The following PSMB7 variants were observed in gnomAD, a reference collection of about 807,000 sequenced individuals.
PSMB7 encodes proteasome 20S subunit beta 7.
A neutral mutation model predicts 28.1 loss-of-function variants in PSMB7; 5 were observed. The ratio of observed to expected loss-of-function variants is 0.18; its 90% CI spans 0.09 to 0.37. The LOEUF (loss-of-function observed/expected upper bound fraction) is 0.37, where lower values mean the gene tolerates loss of function less well. PSMB7 is among the 10% of genes least tolerant of loss of function. The pLI is 1.00. For synonymous variants in PSMB7, 122 were observed against 123.7 expected (o/e 0.99, Z 0.09); for missense variants, 275 against 346.2 (o/e 0.79, Z 1.63).
At chr9:124,374,393 A>T (rs892604764) in intron 6 of PSMB7, among the ~76,000 whole-genome samples, 1 of 152,266 alleles carries the variant, frequency 6.6e-6, no homozygotes, top group African/African-American at 2.4e-5. Context: ...CATAGGTGTG[A>T]ATTATCAATG....
At chr9:124,392,023 C>A (rs1830793017) in intron 5 of PSMB7, among the ~76,000 whole-genome samples, 1 of 152,352 alleles carries the variant, frequency 6.6e-6, no homozygotes, top group African/African-American at 2.4e-5. Context: ...TGCTCACTAA[C>A]TCTCAAACTG....
At chr9:124,413,517 A>G (rs1008885055) in intron 3 of PSMB7, among the ~76,000 whole-genome samples, 2 of 152,246 alleles carry the variant, frequency 1.3e-5, no homozygotes, top group African/African-American at 4.8e-5. Flanking sequence ...GTATGGCAGA[A>G]GAGTGAACAA....
chr9:124,385,746 G>C (rs746062742), intron 5 of PSMB7, among the ~76,000 whole-genome samples: 1 of 152,206 alleles, frequency 6.6e-6, no homozygotes, highest in Non-Finnish European at 1.5e-5. Flanking sequence ...AAAAGGCAGC[G>C]ATTAAACAGT....
rs746498305 is a variant in PSMB7 at position 124,413,965 on chromosome 9, C to A, written c.197G>T (p.Gly66Val). 2.5e-6 allele frequency: 4 copies of A among 1,613,264 alleles called. No individual in the cohort carries two copies. The South Asian group carries it at 4.4e-5, about 18-fold the overall frequency. ...VLGADTRATE[G>V]MVVADKNCSK... ...ACAGTTCTTGTCAGCAACAACCATC[C>A]CTTCAGTTGCTCTTGTATCTGCTCC... is the stretch of plus-strand genomic sequence containing the variant. The change falls in exon 3 of 8, where the codon GGG becomes GTG. Residue 66 changes from glycine (G) to valine (V), a missense_variant. By Grantham distance (109) the Gly-to-Val change is moderately radical. Around this residue, in one of 2 missense-constraint regions of PSMB7, gnomAD observed 213 missense variants for 302.4 expected, o/e 0.70. Transcript: ENST00000259457.
intron 6 of PSMB7, among the ~76,000 whole-genome samples, chr9:124,359,918 CCCTT>C (rs1249065180): frequency 3.3e-5 from 5 of 152,204 alleles, no homozygotes; most frequent in Admixed American, 3.3e-4. Context: ...ACATATCCCT[CCCTT>C]AACACCCCAA....
rs1407498851 is a variant in PSMB7 at position 124,353,556 on chromosome 9, C to T, written c.*42G>A. The T allele has an allele frequency of 7.1e-7, 1 of 1,403,580 alleles. No individual in the cohort carries two copies. Among genetic ancestry groups the T allele is most frequent in the Non-Finnish European group, 1.0e-6 (1 of 989,578 alleles). 86.9% of individuals were successfully genotyped at this position (1,403,580 alleles called of 1,614,324 possible). On this transcript the variant is annotated 3_prime_UTR_variant, in exon 8 of 8. Transcript: ENST00000259457. ...GAGTGTCTTACTGGGCCTCAATGCT[C>T]ACCACCTTCCAGAACCGCGGCCAGC...
intron 6 of PSMB7, among the ~76,000 whole-genome samples, chr9:124,363,127 G>A (rs1051970983): frequency 5.3e-5 from 8 of 152,168 alleles, no homozygotes; most frequent in Non-Finnish European, 8.8e-5. Flanking sequence ...AAAACGAAAC[G>A]TTCACTTCAA....
chr9:124,384,697 C>A, intron 5 of PSMB7, 41 bp from the exon 6 acceptor site: 1 of 1,590,090 alleles, frequency 6.3e-7, no homozygotes, highest in South Asian at 1.1e-5. Context: ...TTTATGATAT[C>A]CCAGCTTATC....
At chr9:124,371,833 G>C (rs1242371227) in intron 6 of PSMB7, among the ~76,000 whole-genome samples, 1 of 152,132 alleles carries the variant, frequency 6.6e-6, no homozygotes, top group Non-Finnish European at 1.5e-5. Context: ...TCTGAATCTA[G>C]CTCTCACCTC....
intron 5 of PSMB7, among the ~76,000 whole-genome samples, chr9:124,402,646 C>A (rs1830923533): frequency 6.6e-6 from 1 of 152,052 alleles, no homozygotes; most frequent in Non-Finnish European, 1.5e-5. Context: ...GAGTAAAGGA[C>A]AGATCAGTGT....
At chr9:124,369,953 C>T (rs1264523535) in intron 6 of PSMB7, among the ~76,000 whole-genome samples, 1 of 152,176 alleles carries the variant, frequency 6.6e-6, no homozygotes, top group Non-Finnish European at 1.5e-5. Flanking sequence ...GGCCTGTGCA[C>T]CCCTCTCTAG....
At chr9:124,374,939 G>A (rs574823661) in intron 6 of PSMB7, among the ~76,000 whole-genome samples, 6 of 152,122 alleles carry the variant, frequency 3.9e-5, no homozygotes, top group East Asian at 1.9e-4. Flanking sequence ...TCAGGAGTTC[G>A]AGACCAGCCT....
chr9:124,369,686 A>C (rs1393328920), intron 6 of PSMB7, among the ~76,000 whole-genome samples: 4 of 152,116 alleles, frequency 2.6e-5, no homozygotes, highest in African/African-American at 9.7e-5. Context: ...GGACTGCACG[A>C]CTGAGAGGCA....
At chr9:124,361,875 A>T (rs1433458748) in intron 6 of PSMB7, among the ~76,000 whole-genome samples, 1 of 152,254 alleles carries the variant, frequency 6.6e-6, no homozygotes, top group East Asian at 1.9e-4. Flanking sequence ...TTTCCGCATT[A>T]TTCTTGTCTA....
Position 124,405,215 on chromosome 9 carries a change from T to C in PSMB7, c.511+102A>G, listed in dbSNP as rs373431112. The stretch of plus-strand genomic sequence containing the variant: ...TATATTTGCTGAATGAATCAAAGCA[T>C]TGTATTGCACCTCCTCTTCTAAGAG... On this transcript the variant is annotated intron_variant, in intron 5 of 7. Coordinates refer to ENST00000259457, the MANE Select transcript of PSMB7 (RefSeq NM_002799.4). 1.7e-4 allele frequency: 130 copies of C among 749,182 alleles called. No individual in the cohort carries two copies. The East Asian group carries it at 2.1e-3, about 12-fold the overall frequency. The allele number at this position is 749,182 out of a possible 1,614,324, so 46.4% of individuals were successfully genotyped here.
intron 6 of PSMB7, among the ~76,000 whole-genome samples, chr9:124,371,005 C>T (rs1274691679): frequency 6.6e-6 from 1 of 152,170 alleles, no homozygotes; most frequent in Admixed American, 6.5e-5. Context: ...GAACCCACCA[C>T]CCCCCTTTCT....
At chr9:124,372,512 C>A (rs1273321056) in intron 6 of PSMB7, among the ~76,000 whole-genome samples, 1 of 152,202 alleles carries the variant, frequency 6.6e-6, no homozygotes, top group African/African-American at 2.4e-5. Context: ...AGACCTGGCC[C>A]CAAGAAGGAT....
chr9:124,398,743 A>G (rs907433932), intron 5 of PSMB7, among the ~76,000 whole-genome samples: 1 of 152,182 alleles, frequency 6.6e-6, no homozygotes, highest in Non-Finnish European at 1.5e-5. Flanking sequence ...GTAGGATGAT[A>G]AAATCACAGC....
At chr9:124,395,661 G>A (rs1293026062) in intron 5 of PSMB7, among the ~76,000 whole-genome samples, 2 of 152,168 alleles carry the variant, frequency 1.3e-5, no homozygotes, top group Middle Eastern at 3.4e-3. Context: ...CATAAAACGC[G>A]ACGCTTCAGC....
Sources: gnomAD v4.1 joint callset for allele counts (sites outside exome capture counted in the v4.1 genomes callset) on GRCh38, gnomAD v4.1.1 for gene constraint, gnomAD v4.1.1 regional missense constraint, MANE v1.5 for transcripts, NCBI Gene and HGNC (gene_info 2026-07-23, HGNC 2026-07-21) for gene names.